Variants in LRRC72 observed in about 807,000 individuals in gnomAD.
The protein encoded by LRRC72 is leucine-rich repeat-containing protein 72.
LRRC72 carries 41 observed loss-of-function variants against 35.8 expected under a neutral mutation model. The ratio of observed to expected loss-of-function variants is 1.15; its 90% CI spans 0.89 to 1.49. The LOEUF (loss-of-function observed/expected upper bound fraction) is 1.49. Ranked by LOEUF, LRRC72 falls within the 40% of genes most tolerant of loss-of-function variation. The pLI, the probability that LRRC72 is intolerant of heterozygous loss-of-function variation, is 0.00. For missense variants in LRRC72, 389 were observed against 330.7 expected (o/e 1.18, Z -1.37); for synonymous variants, 118 against 119.2 (o/e 0.99, Z 0.07).
chr7:16,543,232 A>C (rs1197212519), intron 3 of LRRC72, among the ~76,000 whole-genome samples: 3 of 152,230 alleles, frequency 2.0e-5, no homozygotes, highest in Non-Finnish European at 4.4e-5. Flanking sequence ...CCACTGTAGA[A>C]ATGATATAGA....
At chr7:16,532,608 T>C in intron 2 of LRRC72, 40 bp downstream of exon 2, 1 of 1,367,256 alleles carries the variant, frequency 7.3e-7, no homozygotes, top group Non-Finnish European at 1.0e-6. Context: ...AGTATCATGT[T>C]ATCATGATCA....
intron 7 of LRRC72, among the ~76,000 whole-genome samples, chr7:16,568,244 G>A (rs188697404): frequency 1.3e-5 from 2 of 152,280 alleles, no homozygotes; most frequent in Admixed American, 6.5e-5. Context: ...AAGGTGGCTG[G>A]TGTACCCCCA....
intron 1 of LRRC72, 149 bp downstream of exon 1, chr7:16,527,191 T>C (rs992528173): frequency 7.5e-6 from 5 of 662,422 alleles, no homozygotes; most frequent in East Asian, 5.5e-5. Flanking sequence ...TTCAAATTAA[T>C]TGGTTAACAT....
chr7:16,526,925 C>T lies in LRRC72; in HGVS notation c.-28C>T, dbSNP rs1782077290. On this transcript the variant is annotated 5_prime_UTR_variant, in exon 1 of 9. Transcript: ENST00000401542. ...CCGGCGGGCGAGGCCGGATTAATCA[C>T]CGCTGCTTCGGCCGCCCATGTGTCC... 1.3e-6 allele frequency: 2 copies of T among 1,529,312 alleles called. No homozygotes were observed. The highest frequency in any genetic ancestry group is 2.7e-5 in the African/African-American group (2 of 72,844). The allele number at this position is 1,529,312 out of a possible 1,614,324, so 94.7% of individuals were successfully genotyped here. A position where few individuals can be genotyped will look rare whatever the true frequency, so the allele number is the denominator to read the frequency against.
chr7:16,559,648 C>A (rs1782710416), intron 5 of LRRC72, among the ~76,000 whole-genome samples: 1 of 151,852 alleles, frequency 6.6e-6, no homozygotes, highest in African/African-American at 2.4e-5. Context: ...ATAGGGACAG[C>A]AACACCGAGA....
chr7:16,526,857 G>C lies in LRRC72; in HGVS notation c.-96G>C. ...GGGAATGCGGTAACTGTTGGTAACA[G>C]AACAACGAGCTGTGCACCAAGCCAA... On this transcript the variant is annotated 5_prime_UTR_variant, in exon 1 of 9. Coordinates refer to ENST00000401542, the MANE Select transcript of LRRC72 (RefSeq NM_001195280.2). 1.0e-6 allele frequency: 1 copy of C among 968,044 alleles called. No individual in the cohort carries two copies. Among genetic ancestry groups the C allele is most frequent in the South Asian group, 1.4e-5 (1 of 71,842 alleles). The allele number at this position is 968,044 out of a possible 1,614,324, so 60.0% of individuals were successfully genotyped here.
At chr7:16,573,209 T>A (rs1303085942) in intron 7 of LRRC72, among the ~76,000 whole-genome samples, 1 of 152,128 alleles carries the variant, frequency 6.6e-6, no homozygotes, top group Non-Finnish European at 1.5e-5. Context: ...ATCACTATCG[T>A]GAAAATGGCC....
intron 3 of LRRC72, among the ~76,000 whole-genome samples, chr7:16,547,776 G>A (rs1467850628): frequency 6.6e-6 from 1 of 152,228 alleles, no homozygotes; most frequent in African/African-American, 2.4e-5. Context: ...GAGGCTAAAG[G>A]GGAGCTGAAG....
chr7:16,531,375 G>A (rs1782160079), intron 1 of LRRC72, among the ~76,000 whole-genome samples: 2 of 152,030 alleles, frequency 1.3e-5, no homozygotes, highest in Middle Eastern at 3.2e-3. Flanking sequence ...TTATTAACAA[G>A]GCATCAAGGG....
At chr7:16,552,942 T>G (rs1782580949) in intron 3 of LRRC72, among the ~76,000 whole-genome samples, 1 of 152,214 alleles carries the variant, frequency 6.6e-6, no homozygotes. Flanking sequence ...TTACTTAACC[T>G]TTCTGTGCCT....
At chr7:16,573,623 C>G (rs1323502304) in intron 7 of LRRC72, among the ~76,000 whole-genome samples, 1 of 152,142 alleles carries the variant, frequency 6.6e-6, no homozygotes, top group African/African-American at 2.4e-5. Flanking sequence ...GAAACTGGAC[C>G]TCTTCCTTAC....
At chr7:16,541,293 CACT>C (rs932391916) in intron 3 of LRRC72, among the ~76,000 whole-genome samples, 1 of 152,218 alleles carries the variant, frequency 6.6e-6, no homozygotes, top group African/African-American at 2.4e-5. Flanking sequence ...GACTTTCAAA[CACT>C]AGCTGACAAA....
chr7:16,564,282 G>T (rs1196399490), intron 5 of LRRC72, among the ~76,000 whole-genome samples: 1 of 152,110 alleles, frequency 6.6e-6, no homozygotes, highest in Non-Finnish European at 1.5e-5. Context: ...TCTTCCTTCT[G>T]AGTTCTCATT....
chr7:16,575,691 G>A, intron 7 of LRRC72, among the ~76,000 whole-genome samples: 1 of 152,130 alleles, frequency 6.6e-6, no homozygotes. Context: ...CCACTTCCTT[G>A]GTTTATGTAA....
intron 7 of LRRC72, among the ~76,000 whole-genome samples, chr7:16,569,834 C>G (rs912387581): frequency 2.6e-5 from 4 of 151,944 alleles, no homozygotes; most frequent in Non-Finnish European, 5.9e-5. Flanking sequence ...AGTTTGAGAC[C>G]AGCCTGGACA....
chr7:16,541,512 AT>A (rs1158194762), intron 3 of LRRC72, among the ~76,000 whole-genome samples: 4 of 152,224 alleles, frequency 2.6e-5, no homozygotes, highest in Non-Finnish European at 5.9e-5. Flanking sequence ...GCTTGAAATA[AT>A]TTCTAGGAGA....
At chr7:16,568,411 A>G (rs1261024904) in intron 7 of LRRC72, among the ~76,000 whole-genome samples, 2 of 152,242 alleles carry the variant, frequency 1.3e-5, no homozygotes, top group African/African-American at 4.8e-5. Context: ...GAATTAAAAA[A>G]TAGTTTGGAA....
chr7:16,574,034 C>A (rs1782995234), intron 7 of LRRC72, among the ~76,000 whole-genome samples: 1 of 152,030 alleles, frequency 6.6e-6, no homozygotes, highest in Admixed American at 6.5e-5. Context: ...ATGCAGCCAA[C>A]AAACATACGA....
intron 5 of LRRC72, among the ~76,000 whole-genome samples, chr7:16,565,816 T>G (rs912180460): frequency 6.6e-6 from 1 of 152,182 alleles, no homozygotes; most frequent in East Asian, 1.9e-4. Flanking sequence ...TATTGACACA[T>G]TCTGAACTAT....
Sources: allele counts gnomAD v4.1 joint callset (sites outside exome capture counted in the v4.1 genomes callset), GRCh38; gene constraint gnomAD v4.1.1; transcripts MANE v1.5; gene names NCBI Gene and HGNC (gene_info 2026-07-23, HGNC 2026-07-21).